RAB38: variants seen among roughly 807,000 people sequenced by gnomAD.
RAB38 encodes the protein ras-related protein Rab-38.
Under a neutral mutation model 18.4 loss-of-function variants are expected in RAB38, and 15 were observed. The ratio of observed to expected loss-of-function variants is 0.82; its 90% CI spans 0.55 to 1.26. The LOEUF is 1.26. RAB38 is among the 50% of genes most tolerant of loss of function. The pLI is 0.00. For synonymous variants in RAB38, 101 were observed against 104.4 expected (o/e 0.97, Z 0.20); for missense variants, 294 against 267.4 (o/e 1.10, Z -0.69).
At chr11:87,855,857 T>C in the RAB38 span, among the ~76,000 whole-genome samples, 3 of 152,288 alleles carry the variant, frequency 2.0e-5, no homozygotes, top group Non-Finnish European at 4.4e-5. Flanking sequence ...ATAGCCTTGG[T>C]ATTTTTTAAA....
the RAB38 span, among the ~76,000 whole-genome samples, chr11:87,910,059 T>G: frequency 6.6e-6 from 1 of 152,100 alleles, no homozygotes; most frequent in Non-Finnish European, 1.5e-5. Flanking sequence ...TCAGCACCCT[T>G]GCCAACACTT....
intron 2 of RAB38, among the ~76,000 whole-genome samples, chr11:88,141,979 G>C (rs914555700): frequency 6.6e-6 from 1 of 152,092 alleles, no homozygotes; most frequent in South Asian, 2.1e-4. Context: ...TATATGCCAG[G>C]CCAGCTCATA....
At chr11:88,116,128 C>G (rs570828347) in intron 2 of RAB38, among the ~76,000 whole-genome samples, 2 of 152,308 alleles carry the variant, frequency 1.3e-5, no homozygotes, top group East Asian at 3.9e-4. Context: ...ACTCCCTGCT[C>G]CCAGGCAACC....
At chr11:87,950,785 G>A in the RAB38 span, among the ~76,000 whole-genome samples, 3 of 152,144 alleles carry the variant, frequency 2.0e-5, no homozygotes, top group South Asian at 2.1e-4. Flanking sequence ...CCCTTTGTGG[G>A]TAACCCGACC....
At chr11:88,026,345 C>G in the RAB38 span, among the ~76,000 whole-genome samples, 1 of 151,286 alleles carries the variant, frequency 6.6e-6, no homozygotes, top group Non-Finnish European at 1.5e-5. Context: ...TGGCGGATCA[C>G]GAGGTCAGGA....
At chr11:87,960,628 C>T in the RAB38 span, among the ~76,000 whole-genome samples, 1 of 152,134 alleles carries the variant, frequency 6.6e-6, no homozygotes. Flanking sequence ...TATCAGACGC[C>T]ATCCTTGTTA....
At chr11:88,009,801 G>C in the RAB38 span, among the ~76,000 whole-genome samples, 2 of 152,088 alleles carry the variant, frequency 1.3e-5, no homozygotes, top group Non-Finnish European at 2.9e-5. Context: ...GACTATAATA[G>C]AGCATTTTGT....
At chr11:88,126,584 G>T (rs1471917147) in intron 2 of RAB38, among the ~76,000 whole-genome samples, 1 of 152,072 alleles carries the variant, frequency 6.6e-6, no homozygotes, top group Non-Finnish European at 1.5e-5. Flanking sequence ...ATAGCATTAG[G>T]AGATATACCT....
At chr11:87,933,486 C>T in the RAB38 span, among the ~76,000 whole-genome samples, 1 of 152,046 alleles carries the variant, frequency 6.6e-6, no homozygotes, top group Admixed American at 6.6e-5. Flanking sequence ...GTAGGTCTGC[C>T]AGAGAAGGCA....
the RAB38 span, among the ~76,000 whole-genome samples, chr11:87,956,947 T>C: frequency 3.8e-3 from 562 of 149,110 alleles, 3 homozygotes; most frequent in African/African-American, 0.013. Flanking sequence ...GGACTGTCCA[T>C]TCCTCATTGA....
chr11:87,835,107 T>C, the RAB38 span, among the ~76,000 whole-genome samples: 1 of 152,152 alleles, frequency 6.6e-6, no homozygotes, highest in Non-Finnish European at 1.5e-5. Context: ...TTTAGAAACA[T>C]GAGAAACCAA....
chr11:88,007,671 G>A, the RAB38 span, among the ~76,000 whole-genome samples: 1 of 152,072 alleles, frequency 6.6e-6, no homozygotes, highest in African/African-American at 2.4e-5. Context: ...ACTATTTTAG[G>A]AAACTCTTTG....
chr11:88,021,827 C>G, the RAB38 span, among the ~76,000 whole-genome samples: 1 of 132,224 alleles, frequency 7.6e-6, no homozygotes, highest in Non-Finnish European at 1.6e-5. Flanking sequence ...GCACTCCAGC[C>G]TGGGTGACAG....
chr11:88,021,808 C>G, the RAB38 span, among the ~76,000 whole-genome samples: 1 of 140,724 alleles, frequency 7.1e-6, no homozygotes, highest in African/African-American at 2.6e-5. Context: ...GAGCTGAGAT[C>G]ATGCCACTGC....
intron 1 of RAB38, among the ~76,000 whole-genome samples, chr11:88,174,909 C>G (rs371627246): frequency 6.9e-4 from 105 of 152,368 alleles, no homozygotes; most frequent in African/African-American, 2.5e-3. Context: ...TGCAGACAAT[C>G]TTCCTCTGGT....
At chr11:87,881,636 C>T in the RAB38 span, among the ~76,000 whole-genome samples, 1 of 151,846 alleles carries the variant, frequency 6.6e-6, no homozygotes, top group Non-Finnish European at 1.5e-5. Flanking sequence ...TATGATCTTT[C>T]TCTAGTTCCA....
intron 2 of RAB38, among the ~76,000 whole-genome samples, chr11:88,121,016 C>A (rs926113483): frequency 3.9e-5 from 6 of 152,176 alleles, no homozygotes; most frequent in Non-Finnish European, 8.8e-5. Flanking sequence ...GCTACTGAGC[C>A]TCACAGGGAA....
At chr11:88,170,060 C>CA (rs1413074180) in intron 1 of RAB38, among the ~76,000 whole-genome samples, 2 of 152,180 alleles carry the variant, frequency 1.3e-5, no homozygotes, top group Non-Finnish European at 2.9e-5. Flanking sequence ...TTTCCTTGGT[C>CA]AAGCTGCTAC....
the RAB38 span, among the ~76,000 whole-genome samples, chr11:88,023,074 C>T: frequency 2.0e-4 from 30 of 151,886 alleles, no homozygotes; most frequent in African/African-American, 7.0e-4. Context: ...CTGAGTGTGA[C>T]AAAATACTCT....
Sources: gnomAD v4.1 joint callset for allele counts (sites outside exome capture counted in the v4.1 genomes callset) on GRCh38, gnomAD v4.1.1 for gene constraint, MANE v1.5 for transcripts, NCBI Gene and HGNC (gene_info 2026-07-23, HGNC 2026-07-21) for gene names.